Variants in DZIP1 observed in about 807,000 individuals in gnomAD.
DZIP1 encodes DAZ interacting zinc finger protein 1, also known as cilium assembly protein DZIP1.
DZIP1 carries 97 observed loss-of-function variants against 107.6 expected under a neutral mutation model. That is an observed-to-expected ratio of 0.90 (90% CI 0.77 to 1.07). The LOEUF (loss-of-function observed/expected upper bound fraction) is 1.07. Ranked by LOEUF, DZIP1 falls within the 50% of genes least tolerant of loss-of-function variation. The probability of loss-of-function intolerance (pLI) is 0.00; values close to 1 mark genes in which losing one functional copy is unlikely to be tolerated. For missense variants in DZIP1, 1,035 were observed against 1,063.6 expected (o/e 0.97, Z 0.37); for synonymous variants, 390 against 386.4 (o/e 1.01, Z -0.11).
intron 5 of DZIP1, among the ~76,000 whole-genome samples, chr13:95,633,678 CAAAAAAAAAAA>C (rs567298033): frequency 1.4e-5 from 1 of 71,180 alleles, no homozygotes. Context: ...GACTCCATCT[CAAAAAAAAAAA>C]AAAAAAAAAA....
intron 12 of DZIP1, among the ~76,000 whole-genome samples, chr13:95,610,741 C>T (rs1221013036): frequency 1.3e-5 from 2 of 152,150 alleles, no homozygotes; most frequent in African/African-American, 4.8e-5. Flanking sequence ...CTCAGAAATG[C>T]AAGTTGAAAT....
intron 17 of DZIP1, 128 bp downstream of exon 17, chr13:95,590,151 A>C: frequency 9.3e-7 from 1 of 1,070,204 alleles, no homozygotes; most frequent in Non-Finnish European, 1.3e-6. Flanking sequence ...GTTGCCAGTG[A>C]AGTGGCGAAG....
rs1380565568 is a variant in DZIP1, at chr13:95,578,891, C to T, written c.*3343G>A. Reference sequence around the variant, plus strand: ...GCTAATGGGGCCAATATATTATTGCCTGTCATGTGGCACATCCATGTTAAG... The same window carrying T: ...GCTAATGGGGCCAATATATTATTGCTTGTCATGTGGCACATCCATGTTAAG... On this transcript the variant is annotated 3_prime_UTR_variant, in exon 23 of 23. Coordinates refer to ENST00000376829, the MANE Select transcript of DZIP1 (RefSeq NM_198968.4). 1 of 152,182 alleles carries T rather than the reference C, an allele frequency of 6.6e-6. No homozygotes were observed. Among genetic ancestry groups the T allele is most frequent in the African/African-American group, 2.4e-5 (1 of 41,432 alleles). 9.4% of individuals were successfully genotyped at this position (152,182 alleles called of 1,614,324 possible).
chr13:95,641,695 C>T lies in DZIP1; in HGVS notation c.197G>A (p.Ser66Asn). Residue 66 changes from serine to asparagine, a missense_variant, in exon 5 of 23, where the codon AGT (serine) becomes AAT (asparagine). Coordinates refer to ENST00000376829, the MANE Select transcript of DZIP1 (RefSeq NM_198968.4). This position sits in a 1 kb window ranked among gnomAD's most constrained non-coding sequence, Gnocchi z 4.3. The part of the protein sequence containing the change: ...PFFQFRPRLE[S>N]VDWRRLSAID... ...GGCGCTCAGCCGCCGCCAGTCCACA[C>T]TCTCCAGCCGCGGCCTGAACTGGAA... 6.2e-7 allele frequency: 1 copy of T among 1,603,824 alleles called. No individual in the cohort carries two copies. Among genetic ancestry groups the T allele is most frequent in the East Asian group, 2.2e-5 (1 of 44,878 alleles).
At chr13:95,636,781 A>G (rs1877875569) in intron 5 of DZIP1, among the ~76,000 whole-genome samples, 1 of 152,176 alleles carries the variant, frequency 6.6e-6, no homozygotes, top group Non-Finnish European at 1.5e-5. Context: ...CCAAAAATGA[A>G]ACAAAATTTA....
At chr13:95,611,987 T>C (rs2045023398) in intron 11 of DZIP1, 50 bp downstream of exon 11, 1 of 1,593,546 alleles carries the variant, frequency 6.3e-7, no homozygotes, top group Non-Finnish European at 8.5e-7. Context: ...TGTTCTTAGA[T>C]AGACTGCGTT....
In DZIP1 at chr13:95,579,483, T is replaced by G. The variant is rs1294352771; in HGVS notation, c.*2751A>C. On this transcript the variant is annotated 3_prime_UTR_variant, in exon 23 of 23. Transcript: ENST00000376829. ...AGAAAAAGAAATGAAAACAGAGAGC[T>G]TAAATAATTTGCCACAGTAATGTCG... is the stretch of plus-strand genomic sequence containing the variant. The G allele has an allele frequency of 1.3e-5, 2 of 152,236 alleles. No individual in the cohort carries two copies. The highest frequency in any genetic ancestry group is 2.9e-5 in the Non-Finnish European group (2 of 68,046). The allele number at this position is 152,236 out of a possible 1,614,324, so 9.4% of individuals were successfully genotyped here.
At chr13:95,597,942 C>G (rs1028974827) in intron 15 of DZIP1, among the ~76,000 whole-genome samples, 2 of 152,078 alleles carry the variant, frequency 1.3e-5, no homozygotes, top group African/African-American at 4.8e-5. Context: ...TCGTTTGATG[C>G]CTGGGCTGTG....
chr13:95,608,312 CAA>C (rs1317260468), intron 13 of DZIP1, among the ~76,000 whole-genome samples: 1 of 151,328 alleles, frequency 6.6e-6, no homozygotes, highest in Non-Finnish European at 1.5e-5. Flanking sequence ...CATTTTAAAA[CAA>C]AAAATGAAAA....
intron 5 of DZIP1, among the ~76,000 whole-genome samples, chr13:95,637,377 T>C (rs1877927562): frequency 6.6e-6 from 1 of 152,162 alleles, no homozygotes; most frequent in Admixed American, 6.5e-5. Context: ...CAACTGTGAC[T>C]GTGTTTGGAG....
At chr13:95,619,234 T>G (rs1195458371) in intron 10 of DZIP1, among the ~76,000 whole-genome samples, 1 of 152,194 alleles carries the variant, frequency 6.6e-6, no homozygotes, top group East Asian at 1.9e-4. Context: ...AAGTGAAAAG[T>G]GTACAAACCT....
intron 19 of DZIP1, 57 bp downstream of exon 19, chr13:95,589,097 G>T: frequency 7.3e-7 from 1 of 1,375,886 alleles, no homozygotes. Flanking sequence ...TAAAATGAAA[G>T]GAATGTTCAG....
Position 95,641,361 on chromosome 13 carries a change from G to A in DZIP1, c.531C>T (p.Cys177=), listed in dbSNP as rs776695097. ...TGGAGATCATCTTCTTCCGGCGTTT[G>A]CACTCTTCCTTGAGCGTCTTGATCT... ...AGEIKTLKEE[C]KRRKKMISTQ... The change falls in exon 5 of 23, where the codon TGC becomes TGT. Residue 177 remains cysteine (C), a synonymous_variant. Coordinates refer to ENST00000376829, the MANE Select transcript of DZIP1 (RefSeq NM_198968.4). The surrounding 1 kb of genome is among the most constrained non-coding windows in gnomAD (Gnocchi z 4.3). 1.2e-6 allele frequency: 2 copies of A among 1,613,980 alleles called. No individual in the cohort carries two copies. Among genetic ancestry groups the A allele is most frequent in the East Asian group, 2.2e-5 (1 of 44,862 alleles).
Position 95,642,130 on chromosome 13 carries a change from G to T in DZIP1, c.-101C>A. ...GAAGGCCGGGTTCCTCGCTTCCGCG[G>T]CGGCGGCGGCCTAAGGTCTGGGCGT... On this transcript the variant is annotated 5_prime_UTR_variant, in exon 4 of 23. Coordinates refer to ENST00000376829, the MANE Select transcript of DZIP1 (RefSeq NM_198968.4). 7.1e-7 allele frequency: 1 copy of T among 1,402,022 alleles called. No individual in the cohort carries two copies. Among genetic ancestry groups the T allele is most frequent in the Non-Finnish European group, 9.3e-7 (1 of 1,078,424 alleles). The allele number at this position is 1,402,022 out of a possible 1,614,324, so 86.8% of individuals were successfully genotyped here.
intron 15 of DZIP1, among the ~76,000 whole-genome samples, chr13:95,594,297 G>C (rs1007157956): frequency 1.3e-5 from 2 of 152,034 alleles, no homozygotes; most frequent in Non-Finnish European, 2.9e-5. Flanking sequence ...CAAAACTTCA[G>C]TATTTTCAAA....
chr13:95,599,195 G>A (rs1233675147), intron 15 of DZIP1, among the ~76,000 whole-genome samples, 170 bp downstream of exon 15: 1 of 151,926 alleles, frequency 6.6e-6, no homozygotes, highest in Non-Finnish European at 1.5e-5. Flanking sequence ...GAATATTAGG[G>A]GAATAGGATA....
chr13:95,610,122 C>CAG (rs1162498334), intron 12 of DZIP1, among the ~76,000 whole-genome samples: 44 of 72,236 alleles, frequency 6.1e-4, no homozygotes, highest in Non-Finnish European at 1.1e-3. Flanking sequence ...GAGAGAGAGA[C>CAG]AGAGAGAGAG....
intron 6 of DZIP1, among the ~76,000 whole-genome samples, chr13:95,632,641 C>G (rs995239466): frequency 6.6e-6 from 1 of 152,178 alleles, no homozygotes; most frequent in African/African-American, 2.4e-5. Context: ...CTAAAATCCT[C>G]CAGTGGCTCC....
chr13:95,587,541 G>A lies in DZIP1; in HGVS notation c.2216C>T (p.Ala739Val), dbSNP rs1159736769. The A allele has an allele frequency of 1.2e-6, 2 of 1,613,706 alleles. No individual in the cohort carries two copies. The highest frequency in any genetic ancestry group is 1.7e-5 in the Admixed American group (1 of 59,986). Reference sequence around the variant, plus strand: ...AGTTTTCCAAGGTAACAGCTCACCTGCGGGCTTGGGAGAATCATCAGTGTC... The same window carrying A: ...AGTTTTCCAAGGTAACAGCTCACCTACGGGCTTGGGAGAATCATCAGTGTC... ...IEDTDDSPKPAGVAVKTPTEK... is the reference protein window; with the variant it reads ...IEDTDDSPKPVGVAVKTPTEK... Residue 739 changes from alanine (A) to valine (V), a missense_variant and splice_region_variant, in exon 20 of 23, where the codon GCA (alanine) becomes GTA (valine). By Grantham distance (64) the Ala-to-Val change is moderately conservative. Coordinates refer to ENST00000376829, the MANE Select transcript of DZIP1 (RefSeq NM_198968.4).
Sources: allele counts gnomAD v4.1 joint callset (sites outside exome capture counted in the v4.1 genomes callset), GRCh38; gene constraint gnomAD v4.1.1; non-coding constraint Gnocchi (gnomAD v3.1); transcripts MANE v1.5; gene names NCBI Gene and HGNC (gene_info 2026-07-23, HGNC 2026-07-21).